Variants in IRAK1BP1 observed in about 807,000 individuals in gnomAD.
The protein encoded by IRAK1BP1 is interleukin 1 receptor associated kinase 1 binding protein 1, also known as interleukin-1 receptor-associated kinase 1-binding protein 1.
A neutral mutation model predicts 28.0 loss-of-function variants in IRAK1BP1; 24 were observed. The observed-to-expected ratio is 0.86, with a 90% CI of 0.62 to 1.20. The LOEUF is 1.20. Among genes scored for constraint, IRAK1BP1 ranks in the 50% most tolerant of loss-of-function variants. The pLI, the probability that IRAK1BP1 is intolerant of heterozygous loss-of-function variation, is 0.00. For synonymous variants in IRAK1BP1, 131 were observed against 116.3 expected, an observed-to-expected ratio of 1.13 and a Z score of -0.81; for missense variants, 336 against 316.7, an observed-to-expected ratio of 1.06 and a Z score of -0.46.
At chr6:78,913,608 G>A (rs953253701) in intron 4 of IRAK1BP1, among the ~76,000 whole-genome samples, 3 of 152,072 alleles carry the variant, frequency 2.0e-5, no homozygotes, top group Admixed American at 1.3e-4. Flanking sequence ...ATTACACACT[G>A]TACTCCAGCC....
chr6:78,877,971 T>A (rs529044448), intron 1 of IRAK1BP1, among the ~76,000 whole-genome samples: 4 of 131,044 alleles, frequency 3.1e-5, no homozygotes, highest in Admixed American at 2.3e-4. Context: ...GAGGCTTGAG[T>A]AGGTAAAAAA....
chr6:78,912,555 C>G (rs778457388), intron 4 of IRAK1BP1, among the ~76,000 whole-genome samples: 14 of 152,080 alleles, frequency 9.2e-5, no homozygotes, highest in African/African-American at 2.7e-4. Context: ...ACCACCACCA[C>G]CAGCAACAGT....
chr6:78,948,244 AACTTCAGT>A (rs1274667564), downstream of IRAK1BP1, among the ~76,000 whole-genome samples: 1 of 152,078 alleles, frequency 6.6e-6, no homozygotes, highest in Non-Finnish European at 1.5e-5. Context: ...TAGTAATCTC[AACTTCAGT>A]ACTAAAATTG....
intron 1 of IRAK1BP1, chr6:78,871,268 C>T: frequency 1.0e-6 from 1 of 985,282 alleles, no homozygotes; most frequent in Non-Finnish European, 1.2e-6. Context: ...TCCTCCCTCA[C>T]AAAAGTGTTT....
chr6:78,967,781 C>T, the IRAK1BP1 span, among the ~76,000 whole-genome samples: 2 of 152,142 alleles, frequency 1.3e-5, no homozygotes, highest in Non-Finnish European at 2.9e-5. Flanking sequence ...TGGAATATTG[C>T]TGCACTTTGA....
intron 4 of IRAK1BP1, among the ~76,000 whole-genome samples, chr6:78,910,580 A>G (rs1159627113): frequency 2.0e-5 from 3 of 152,256 alleles, no homozygotes; most frequent in African/African-American, 7.2e-5. Flanking sequence ...AAGGAAATGG[A>G]CTAGGTCGTA....
chr6:78,925,835 T>C (rs1405287192), intron 4 of IRAK1BP1, among the ~76,000 whole-genome samples: 1 of 152,162 alleles, frequency 6.6e-6, no homozygotes, highest in African/African-American at 2.4e-5. Flanking sequence ...ATGGTACATA[T>C]ACACCATGGA....
At chr6:78,941,790 T>TTA (rs146009887) in intron 4 of IRAK1BP1, among the ~76,000 whole-genome samples, 157 of 151,832 alleles carry the variant, frequency 1.0e-3, no homozygotes, top group African/African-American at 2.6e-3. Flanking sequence ...GAAATACTGA[T>TTA]TATATATATA....
chr6:78,950,368 T>C (rs1166391092), downstream of IRAK1BP1, among the ~76,000 whole-genome samples: 1 of 152,138 alleles, frequency 6.6e-6, no homozygotes, highest in African/African-American at 2.4e-5. Flanking sequence ...CTTCATAGAG[T>C]GAGTTGGGAA....
chr6:78,976,638 C>G, the IRAK1BP1 span, among the ~76,000 whole-genome samples: 1 of 146,038 alleles, frequency 6.8e-6, no homozygotes, highest in Non-Finnish European at 1.5e-5. Context: ...TGACAAAGGG[C>G]TAATATCCAG....
intron 4 of IRAK1BP1, among the ~76,000 whole-genome samples, chr6:78,934,009 TGA>T (rs1466955164): frequency 1.3e-5 from 2 of 152,116 alleles, no homozygotes; most frequent in African/African-American, 4.8e-5. Context: ...TTGATGAAAG[TGA>T]GAGACTTGAG....
chr6:78,892,042 A>G (rs1226058961), intron 2 of IRAK1BP1, among the ~76,000 whole-genome samples: 2 of 152,210 alleles, frequency 1.3e-5, no homozygotes, highest in Admixed American at 6.5e-5. Context: ...CATTAAGCCA[A>G]AATTGACTCA....
At chr6:78,875,340 G>C (rs1666140942) in intron 1 of IRAK1BP1, among the ~76,000 whole-genome samples, 1 of 152,096 alleles carries the variant, frequency 6.6e-6, no homozygotes. Flanking sequence ...CAAAGAACTA[G>C]AAATAAAATT....
At chr6:78,904,709 A>G (rs1045713842), downstream of IRAK1BP1, among the ~76,000 whole-genome samples, 6 of 152,226 alleles carry the variant, frequency 3.9e-5, no homozygotes, top group South Asian at 2.1e-4. Flanking sequence ...GCCCAAGTAA[A>G]TAGCATCAAA....
At chr6:78,975,883 A>G in the IRAK1BP1 span, among the ~76,000 whole-genome samples, 1 of 149,838 alleles carries the variant, frequency 6.7e-6, no homozygotes, top group Non-Finnish European at 1.5e-5. Flanking sequence ...GAGGATACAA[A>G]CAAATGGAAG....
the IRAK1BP1 span, among the ~76,000 whole-genome samples, chr6:78,972,650 T>C: frequency 0.29 from 43,365 of 151,914 alleles, 6,341 homozygotes; most frequent in Admixed American, 0.31. Flanking sequence ...GAAGAATGTG[T>C]AACTAGAATA....
intron 4 of IRAK1BP1, among the ~76,000 whole-genome samples, chr6:78,921,252 C>T (rs563879475): frequency 2.6e-5 from 4 of 152,168 alleles, no homozygotes; most frequent in Admixed American, 6.5e-5. Flanking sequence ...CAACGATCTT[C>T]GCAAACGGCA....
At chr6:78,971,858 C>G in the IRAK1BP1 span, among the ~76,000 whole-genome samples, 3 of 152,196 alleles carry the variant, frequency 2.0e-5, no homozygotes, top group African/African-American at 7.2e-5. Flanking sequence ...TTATATCCCG[C>G]ACCTGGCTCG....
At chr6:78,970,828 A>G in the IRAK1BP1 span, 12 of 1,611,972 alleles carry the variant, frequency 7.4e-6, no homozygotes, top group Admixed American at 1.3e-4. Context: ...TTGATACTAT[A>G]TATTTTATTT....
Sources: gnomAD v4.1 joint callset for allele counts (sites outside exome capture counted in the v4.1 genomes callset) on GRCh38, gnomAD v4.1.1 for gene constraint, MANE v1.5 for transcripts, NCBI Gene and HGNC (gene_info 2026-07-23, HGNC 2026-07-21) for gene names.